CPED1: variants seen among roughly 807,000 people sequenced by gnomAD.
CPED1 encodes cadherin like and PC-esterase domain containing 1.
Under a neutral mutation model 128.2 loss-of-function variants are expected in CPED1, and 114 were observed. The ratio of observed to expected loss-of-function variants is 0.89; its 90% CI spans 0.76 to 1.04. CPED1 has a LOEUF of 1.04. Among genes scored for constraint, CPED1 ranks in the 50% least tolerant of loss-of-function variants. CPED1 has a pLI of 0.00. For synonymous variants in CPED1, 462 were observed against 426.7 expected (o/e 1.08, Z -1.02); for missense variants, 1,211 against 1,207.1 (o/e 1.00, Z -0.05).
chr7:121,101,390 A>G (rs1184943538), intron 7 of CPED1, among the ~76,000 whole-genome samples: 1 of 152,084 alleles, frequency 6.6e-6, no homozygotes, highest in Non-Finnish European at 1.5e-5. Context: ...CTTTAATTCT[A>G]AAAATTTGTT....
At position 121,097,812 on chromosome 7, in the gene CPED1, G is replaced by T. The variant is rs1394482328; in HGVS notation, c.730G>T (p.Asp244Tyr). Residue 244 changes from aspartate (D) to tyrosine (Y), a missense_variant, in exon 6 of 23, where the codon GAC becomes TAC. Asp to Tyr is a radical substitution (Grantham distance 160). Transcript: ENST00000310396. Reference protein sequence around the residue: ...TVKPRVWKPGDWSREQLNETT... With the variant: ...TVKPRVWKPGYWSREQLNETT... Reference sequence around the variant, plus strand: ...GAAGCCACGTGTGTGGAAACCAGGGGACTGGAGTCGTGAACAGCTGTAAGC... The same window carrying T: ...GAAGCCACGTGTGTGGAAACCAGGGTACTGGAGTCGTGAACAGCTGTAAGC... The T allele has an allele frequency of 8.7e-6, 14 of 1,613,646 alleles. No individual in the cohort carries two copies. Among genetic ancestry groups the T allele is most frequent in the Non-Finnish European group, 1.2e-5 (14 of 1,179,758 alleles).
chr7:121,117,060 T>TTATATATATATACACATTATATATATA (rs1795258687), intron 7 of CPED1, among the ~76,000 whole-genome samples: 2 of 128,902 alleles, frequency 1.6e-5, no homozygotes, highest in African/African-American at 2.9e-5. Context: ...TACACACATT[T>TTATATATATATACACATTATATATATA]TATATATATA....
chr7:121,140,766 T>G, intron 14 of CPED1, 61 bp from the exon 15 acceptor site: 1 of 1,168,370 alleles, frequency 8.6e-7, no homozygotes, highest in South Asian at 1.4e-5. Flanking sequence ...AATCATATAT[T>G]ATTTAAAGAT....
chr7:121,140,934 G>A lies in CPED1; in HGVS notation c.1807G>A (p.Asp603Asn). 6.2e-7 allele frequency: 1 copy of A among 1,612,632 alleles called. No individual in the cohort carries two copies. The highest frequency in any genetic ancestry group is 8.5e-7 in the Non-Finnish European group (1 of 1,179,220). The change falls in exon 15 of 23, where the codon GAT becomes AAT. Residue 603 changes from aspartate (D) to asparagine (N), a missense_variant. By Grantham distance (23) the Asp-to-Asn change is conservative (BLOSUM62 1). Transcript: ENST00000310396. ...AGATTATTACTGTGAAGTCCCATTT[G>A]ATGTGGTAACAGTGACAATTGGAGT... Reference protein sequence around the residue: ...IKDYYCEVPFDVVTVTIGVET... With the variant: ...IKDYYCEVPFNVVTVTIGVET...
intron 5 of CPED1, among the ~76,000 whole-genome samples, chr7:121,074,141 G>A (rs1794061578): frequency 6.6e-6 from 1 of 152,034 alleles, no homozygotes; most frequent in South Asian, 2.1e-4. Flanking sequence ...GTGTTTGAGG[G>A]CAAGTAGACC....
chr7:121,288,318 AT>A (rs1358609752), intron 22 of CPED1, among the ~76,000 whole-genome samples: 1 of 152,186 alleles, frequency 6.6e-6, no homozygotes, highest in Non-Finnish European at 1.5e-5. Flanking sequence ...AACCAAGTGA[AT>A]TAAGTGTTGT....
intron 16 of CPED1, among the ~76,000 whole-genome samples, chr7:121,173,905 G>A (rs1015508714): frequency 6.6e-6 from 1 of 151,882 alleles, no homozygotes; most frequent in Non-Finnish European, 1.5e-5. Flanking sequence ...TTATTCCTCA[G>A]CATTTTAATA....
intron 22 of CPED1, among the ~76,000 whole-genome samples, chr7:121,281,707 A>G (rs2116773185): frequency 1.3e-5 from 2 of 152,314 alleles, no homozygotes; most frequent in Middle Eastern, 3.4e-3. Flanking sequence ...TTGTTTTCCT[A>G]AATTTCTATA....
At chr7:121,074,347 G>T (rs1293821017) in intron 5 of CPED1, among the ~76,000 whole-genome samples, 1 of 152,014 alleles carries the variant, frequency 6.6e-6, no homozygotes, top group Non-Finnish European at 1.5e-5. Context: ...CTGGCAGCTG[G>T]CATTTATCTT....
At chr7:121,221,669 G>A (rs1797882340) in intron 16 of CPED1, among the ~76,000 whole-genome samples, 1 of 151,172 alleles carries the variant, frequency 6.6e-6, no homozygotes, top group Non-Finnish European at 1.5e-5. Flanking sequence ...ATTGGCCTGA[G>A]ATGGTATCTC....
At position 121,139,394 on chromosome 7, in the gene CPED1, GT is replaced by G. The variant is rs148380793; in HGVS notation, c.1700-1423del. 7.1e-3 allele frequency among the ~76,000 whole-genome samples: 1,044 copies of G among 147,448 alleles called. 11 individuals are homozygous for G. Among genetic ancestry groups the G allele is most frequent in the African/African-American group, 0.024 (948 of 40,222 alleles). The stretch of plus-strand genomic sequence containing the variant: ...AGAGTATAGGTCAGAAATATATAGG[GT>G]TTTTTTTTTCATTTTAATTGTATTA... On this transcript the variant is annotated intron_variant, in intron 14 of 22. Coordinates refer to ENST00000310396, the MANE Select transcript of CPED1 (RefSeq NM_024913.5).
rs1459098502 is a variant in CPED1 at position 121,141,981 on chromosome 7, G to A, written c.1895G>A (p.Ser632Asn). ...TCCCTCTTTCTCTCCAGCTTTGCCAGCTACCCTCTGGGCTTAGGAATGAAC... is the reference window on the plus strand; with the variant it reads ...TCCCTCTTTCTCTCCAGCTTTGCCAACTACCCTCTGGGCTTAGGAATGAAC... Reference protein sequence around the residue: ...LYEQAGPSFASYPLGLGMNKI... With the variant: ...LYEQAGPSFANYPLGLGMNKI... Residue 632 changes from serine (S) to asparagine (N), a missense_variant, in exon 16 of 23, where the codon AGC becomes AAC. Transcript: ENST00000310396. 6.2e-7 allele frequency: 1 copy of A among 1,611,694 alleles called. No individual in the cohort carries two copies. The highest frequency in any genetic ancestry group is 8.5e-7 in the Non-Finnish European group (1 of 1,178,446).
chr7:121,047,913 A>G (rs1223822053), intron 4 of CPED1, among the ~76,000 whole-genome samples: 1 of 151,754 alleles, frequency 6.6e-6, no homozygotes, highest in East Asian at 1.9e-4. Context: ...TCACCGTGTT[A>G]GCCAGGATGG....
intron 16 of CPED1, among the ~76,000 whole-genome samples, chr7:121,234,229 G>A (rs114636499): frequency 0.021 from 3,144 of 152,034 alleles, 115 homozygotes; most frequent in African/African-American, 0.071. Flanking sequence ...CAGGACTTGA[G>A]CTTACCTAAT....
rs774206526 is a variant in CPED1 at position 121,100,046 on chromosome 7, G to A, written c.870G>A (p.Ser290=). The A allele has an allele frequency of 2.4e-5, 38 of 1,613,352 alleles. No individual in the cohort carries two copies. Among genetic ancestry groups the A allele is most frequent in the South Asian group, 1.1e-4 (10 of 91,032 alleles). ...SLTPLRAFIH[S]TGTVWNPPKK... ...CCCCTTTGCGTGCATTCATTCATTCGACGGGCACAGTTTGGAATCCACCAA... is the reference window on the plus strand; with the variant it reads ...CCCCTTTGCGTGCATTCATTCATTCAACGGGCACAGTTTGGAATCCACCAA... The change falls in exon 7 of 23, where the codon TCG becomes TCA. Residue 290 remains serine, a synonymous_variant. Transcript: ENST00000310396.
At chr7:121,096,734 G>T (rs1228094742) in intron 5 of CPED1, among the ~76,000 whole-genome samples, 1 of 151,750 alleles carries the variant, frequency 6.6e-6, no homozygotes, top group Admixed American at 6.6e-5. Flanking sequence ...ATTTAATGAC[G>T]CACCCTAAGC....
intron 2 of CPED1, among the ~76,000 whole-genome samples, chr7:121,004,510 A>G (rs1791955223): frequency 6.6e-6 from 1 of 152,142 alleles, no homozygotes; most frequent in South Asian, 2.1e-4. Flanking sequence ...TTCGTTCATG[A>G]TGACCCATTG....
intron 4 of CPED1, among the ~76,000 whole-genome samples, chr7:121,054,126 C>G (rs1264034300): frequency 1.3e-5 from 2 of 152,212 alleles, no homozygotes; most frequent in Non-Finnish European, 2.9e-5. Context: ...CCCATTGCTA[C>G]TAGGGTGTCA....
intron 3 of CPED1, among the ~76,000 whole-genome samples, chr7:121,024,565 A>G (rs1395996870): frequency 6.6e-6 from 1 of 152,214 alleles, no homozygotes; most frequent in African/African-American, 2.4e-5. Context: ...ATGTTTAAAT[A>G]TAACTTTGAA....
Sources: allele counts gnomAD v4.1 joint callset (sites outside exome capture counted in the v4.1 genomes callset), GRCh38; gene constraint gnomAD v4.1.1; transcripts MANE v1.5; gene names NCBI Gene and HGNC (gene_info 2026-07-23, HGNC 2026-07-21).